The following TMTC1 variants were observed in gnomAD, a reference collection of about 807,000 sequenced individuals.
TMTC1 encodes the protein transmembrane O-mannosyltransferase targeting cadherins 1, also known as protein O-mannosyl-transferase TMTC1.
A neutral mutation model predicts 104.8 loss-of-function variants in TMTC1; 73 were observed. That is an observed-to-expected ratio of 0.70 (90% CI 0.58 to 0.85). The LOEUF is 0.85. Among genes scored for constraint, TMTC1 ranks in the 40% least tolerant of loss-of-function variants. The pLI, the probability that TMTC1 is intolerant of heterozygous loss-of-function variation, is 0.00. For missense variants in TMTC1, 1,035 were observed against 1,096.1 expected, an observed-to-expected ratio of 0.94 and a Z score of 0.79; for synonymous variants, 434 against 428.7, an observed-to-expected ratio of 1.01 and a Z score of -0.15.
At chr12:29,580,957 C>T (rs771708766) in intron 8 of TMTC1, among the ~76,000 whole-genome samples, 5 of 152,180 alleles carry the variant, frequency 3.3e-5, no homozygotes, top group South Asian at 2.1e-4. Flanking sequence ...CCTTACACAG[C>T]GTTTCTCAAA....
intron 10 of TMTC1, among the ~76,000 whole-genome samples, chr12:29,554,459 C>T (rs956326399): frequency 2.6e-5 from 4 of 151,838 alleles, no homozygotes; most frequent in Non-Finnish European, 5.9e-5. Flanking sequence ...AAGACGTTAG[C>T]GAGTCTTTAG....
intron 10 of TMTC1, among the ~76,000 whole-genome samples, chr12:29,553,226 C>T (rs1945153296): frequency 6.6e-6 from 1 of 152,236 alleles, no homozygotes; most frequent in African/African-American, 2.4e-5. Context: ...CTGGCTCTGC[C>T]ATGGCCTGAG....
chr12:29,540,794 A>G (rs1944775700), intron 10 of TMTC1, among the ~76,000 whole-genome samples: 1 of 152,122 alleles, frequency 6.6e-6, no homozygotes, highest in African/African-American at 2.4e-5. Flanking sequence ...GAGGAGTTCG[A>G]GACCAGCCTG....
rs1046869790 is a variant in TMTC1, at chr12:29,723,187, T to C, written c.938+28479A>G. 4.6e-5 allele frequency among the ~76,000 whole-genome samples: 7 copies of C among 152,104 alleles called. No individual in the cohort carries two copies. In the East Asian group the frequency reaches 1.3e-3, roughly 29 times the overall value. ...AATAGTCAGAAAAGTATATCCAGTT[T>C]CTTATCCATTATAAGAAAACTCAGT... On this transcript the variant is annotated intron_variant, in intron 5 of 17. Coordinates refer to ENST00000539277, the MANE Select transcript of TMTC1 (RefSeq NM_001193451.2).
At chr12:29,756,697 T>C (rs1943223442) in intron 3 of TMTC1, among the ~76,000 whole-genome samples, 1 of 152,214 alleles carries the variant, frequency 6.6e-6, no homozygotes, top group Non-Finnish European at 1.5e-5. Context: ...GAGACATCAC[T>C]GTTCCCTTCA....
At chr12:29,656,738 C>T (rs546338001) in intron 5 of TMTC1, among the ~76,000 whole-genome samples, 2 of 152,078 alleles carry the variant, frequency 1.3e-5, no homozygotes, top group East Asian at 1.9e-4. Context: ...AAGTCCTGGA[C>T]AAAATATTTA....
chr12:29,693,841 C>CG (rs1941335701), intron 5 of TMTC1, among the ~76,000 whole-genome samples: 1 of 151,988 alleles, frequency 6.6e-6, no homozygotes, highest in Non-Finnish European at 1.5e-5. Context: ...CTAAAATGCC[C>CG]GGGCAGACTG....
intron 7 of TMTC1, among the ~76,000 whole-genome samples, chr12:29,593,139 T>C (rs1053547564): frequency 3.9e-5 from 6 of 152,228 alleles, no homozygotes; most frequent in African/African-American, 1.2e-4. Context: ...TGAGCTGGGC[T>C]CTTCTCTGCC....
chr12:29,631,744 A>G (rs1938308104), intron 6 of TMTC1, among the ~76,000 whole-genome samples: 1 of 152,190 alleles, frequency 6.6e-6, no homozygotes, highest in South Asian at 2.1e-4. Context: ...CTGTTTGAAT[A>G]CATTTGATGA....
chr12:29,545,629 T>TCTCACACACACACACACACACACA (rs1333007328), intron 10 of TMTC1, among the ~76,000 whole-genome samples: 2 of 73,530 alleles, frequency 2.7e-5, no homozygotes, highest in African/African-American at 1.1e-4. Flanking sequence ...CAAGACTCTG[T>TCTCACACACACACACACACACACA]CACACACACA....
intron 5 of TMTC1, among the ~76,000 whole-genome samples, chr12:29,751,354 G>T (rs904979836): frequency 6.6e-6 from 1 of 152,084 alleles, no homozygotes; most frequent in Non-Finnish European, 1.5e-5. Context: ...AGGGGAGGGA[G>T]AACGTTCTCC....
chr12:29,727,987 C>T (rs1257468127), intron 5 of TMTC1, among the ~76,000 whole-genome samples: 2 of 152,134 alleles, frequency 1.3e-5, no homozygotes, highest in African/African-American at 4.8e-5. Flanking sequence ...AGCGAAGCAA[C>T]GACTGGCCAC....
intron 11 of TMTC1, chr12:29,534,691 A>G (rs1009572213): frequency 1.1e-4 from 16 of 152,260 alleles, no homozygotes; most frequent in Non-Finnish European, 2.2e-4. Context: ...CAAAGATACT[A>G]CAGAAGGAAC....
chr12:29,745,514 G>A (rs1013284195), intron 5 of TMTC1, among the ~76,000 whole-genome samples: 3 of 151,442 alleles, frequency 2.0e-5, no homozygotes, highest in Admixed American at 6.6e-5. Flanking sequence ...CCAGCTACTC[G>A]GGAGGCTGAG....
At chr12:29,754,361 C>A (rs1458696288) in intron 4 of TMTC1, among the ~76,000 whole-genome samples, 1 of 152,070 alleles carries the variant, frequency 6.6e-6, no homozygotes, top group Non-Finnish European at 1.5e-5. Flanking sequence ...GGTGTAGGCA[C>A]CAGTGGGCTG....
In TMTC1 at chr12:29,529,378, A is replaced by G. The variant is rs1249760503; in HGVS notation, c.1785+6831T>C. ...AAAAAAATGTTTCCAGTGCCCTGAC[A>G]TCGGGGTCACTATGTGTCTGAGCTG... On this transcript the variant is annotated intron_variant, in intron 11 of 17. Transcript: ENST00000539277. Among the ~76,000 whole-genome samples, 6 of 152,188 alleles carry G rather than the reference A, an allele frequency of 3.9e-5. No homozygotes were observed. In the East Asian group the frequency reaches 1.2e-3, roughly 29 times the overall value.
chr12:29,655,756 C>G (rs1007273070), intron 5 of TMTC1, among the ~76,000 whole-genome samples: 1 of 152,056 alleles, frequency 6.6e-6, no homozygotes, highest in African/African-American at 2.4e-5. Flanking sequence ...CAAGTCAAGT[C>G]CTTTGAAACA....
intron 1 of TMTC1, among the ~76,000 whole-genome samples, chr12:29,776,767 C>T (rs1943718390): frequency 6.6e-6 from 1 of 152,150 alleles, no homozygotes; most frequent in African/African-American, 2.4e-5. Context: ...ATCACCTGGC[C>T]ACCAGGGAAG....
Position 29,572,307 on chromosome 12 carries a change from T to A in TMTC1, c.1419-89A>T, listed in dbSNP as rs1034219568. 1.2e-5 allele frequency: 13 copies of A among 1,087,498 alleles called. No individual in the cohort carries two copies. The African/African-American group carries it at 1.6e-4, about 13-fold the overall frequency. The allele number at this position is 1,087,498 out of a possible 1,614,324, so 67.4% of individuals were successfully genotyped here. A position where few individuals can be genotyped will look rare whatever the true frequency, so the allele number is the denominator to read the frequency against. On this transcript the variant is annotated intron_variant, in intron 8 of 17. Coordinates refer to ENST00000539277, the MANE Select transcript of TMTC1 (RefSeq NM_001193451.2). ...TGTTTTACTCAGTTTCATGAACCTG[T>A]ATTTGAAATGTCCGTTGTATTCTAA... is the stretch of plus-strand genomic sequence containing the variant.
Sources: allele counts gnomAD v4.1 joint callset (sites outside exome capture counted in the v4.1 genomes callset), GRCh38; gene constraint gnomAD v4.1.1; transcripts MANE v1.5; gene names NCBI Gene and HGNC (gene_info 2026-07-23, HGNC 2026-07-21).